The following DMD variants were observed in gnomAD, a reference collection of about 807,000 sequenced individuals.
The protein encoded by DMD is mutant dystrophin.
Under a neutral mutation model 330.1 loss-of-function variants are expected in DMD, and 63 were observed. That is an observed-to-expected ratio of 0.19 (90% CI 0.16 to 0.24). The LOEUF is 0.24. DMD is among the 10% of genes least tolerant of loss of function. The pLI, the probability that DMD is intolerant of heterozygous loss-of-function variation, is 1.00. For missense variants in DMD, 3,344 were observed against 2,684.1 expected (o/e 1.25, Z -5.43); for synonymous variants, 1,223 against 959.8 (o/e 1.27, Z -5.07).
At chrX:33,267,025 G>A (rs2053054490) in intron 1 of DMD, among the ~76,000 whole-genome samples, 1 of 110,769 alleles carries the variant, frequency 9.0e-6, no homozygotes, top group East Asian at 2.8e-4. Flanking sequence ...GAAATAAAAT[G>A]CATCCAAATA....
chrX:32,503,728 G>A (rs1308938055), intron 18 of DMD, among the ~76,000 whole-genome samples: 1 of 110,387 alleles, frequency 9.1e-6, no homozygotes. Context: ...GCTAATTTTT[G>A]TATTTTTAGT....
chrX:32,527,095 T>C (rs1312521094), intron 17 of DMD, among the ~76,000 whole-genome samples: 1 of 111,678 alleles, frequency 9.0e-6, no homozygotes, highest in East Asian at 2.8e-4. Context: ...TAAAAACTTA[T>C]AAGCCTCATC....
At chrX:32,201,886 G>T (rs1356542006) in intron 44 of DMD, among the ~76,000 whole-genome samples, 1 of 111,826 alleles carries the variant, frequency 8.9e-6, no homozygotes, top group Non-Finnish European at 1.9e-5. Flanking sequence ...ACAAATCCCT[G>T]AAAACTGCTG....
intron 48 of DMD, among the ~76,000 whole-genome samples, chrX:31,854,746 A>G: frequency 9.0e-6 from 1 of 111,644 alleles, no homozygotes; most frequent in South Asian, 3.8e-4. Flanking sequence ...AACGGAACAA[A>G]GTAGTTTCGA....
At chrX:31,488,099 T>C (rs1305882683) in intron 57 of DMD, among the ~76,000 whole-genome samples, 1 of 111,773 alleles carries the variant, frequency 8.9e-6, no homozygotes, top group Non-Finnish European at 1.9e-5. Context: ...AATAGTTTAC[T>C]GCGCACACAG....
intron 34 of DMD, among the ~76,000 whole-genome samples, chrX:32,367,750 T>TA (rs1311664015): frequency 1.8e-5 from 2 of 112,155 alleles, no homozygotes; most frequent in Non-Finnish European, 3.8e-5. Flanking sequence ...AAATGTGGAC[T>TA]AATTTCTAGT....
chrX:33,261,088 T>C (rs2052947539), intron 1 of DMD, among the ~76,000 whole-genome samples: 1 of 111,563 alleles, frequency 9.0e-6, no homozygotes, highest in South Asian at 3.7e-4. Flanking sequence ...AATTGTACTG[T>C]GTCATGATAG....
At chrX:31,463,477 T>C (rs935707285) in intron 59 of DMD, among the ~76,000 whole-genome samples, 4 of 111,872 alleles carry the variant, frequency 3.6e-5, no homozygotes, top group Non-Finnish European at 7.5e-5. Flanking sequence ...ATGCTAACTG[T>C]TAAATTTTGA....
In DMD at chrX:31,803,978, C is replaced by T. The variant is rs761397987; in HGVS notation, c.7309+15997G>A. Among the ~76,000 whole-genome samples, 123 of 111,017 alleles carry T rather than the reference C, an allele frequency of 1.1e-3. 2 individuals are homozygous for T. The highest frequency in any genetic ancestry group is 4.3e-4 in the Non-Finnish European group (23 of 52,998). On this transcript the variant is annotated intron_variant, in intron 50 of 78. Transcript: ENST00000357033. ...CCCCCCAAAGTGTTGGGATTACAGG[C>T]GTGAGCCACCGTGCCTGGCCTCTCC...
At chrX:31,314,106 A>T (rs934777714) in intron 62 of DMD, among the ~76,000 whole-genome samples, 15 of 112,104 alleles carry the variant, frequency 1.3e-4, no homozygotes, top group Non-Finnish European at 1.3e-4. Context: ...AAGTGCTGGG[A>T]TTACAGGCAT....
chrX:31,892,206 G>A (rs1445341813), intron 47 of DMD, among the ~76,000 whole-genome samples: 1 of 111,618 alleles, frequency 9.0e-6, no homozygotes, highest in African/African-American at 3.3e-5. Context: ...AAGAAGTTGT[G>A]CGTTTCCAAA....
intron 23 of DMD, among the ~76,000 whole-genome samples, chrX:32,465,582 G>GTTTTTTTTTTTTTTTTT (rs1191063866): frequency 2.6e-5 from 2 of 76,666 alleles, no homozygotes; most frequent in African/African-American, 5.0e-5. Context: ...TTTGTTTTTT[G>GTTTTTTTTTTTTTTTTT]TTTTTTTTTT....
Position 32,644,387 on chromosome X carries a change from T to G in DMD, c.1150-74A>C, listed in dbSNP as rs529522672. 1,134 of 1,084,656 alleles carry G rather than the reference T, an allele frequency of 1.0e-3. 12 individuals carry two copies. The South Asian group carries it at 0.019, about 18-fold the overall frequency. 89.4% of individuals were successfully genotyped at this position (1,084,656 alleles called of 1,213,427 possible). ...GGTGTGGTTTTGAGTTTTATTTGTT[T>G]GCAGTTTTAAACTTGTGGCCCATTT... is the stretch of plus-strand genomic sequence containing the variant. On this transcript the variant is annotated intron_variant, in intron 10 of 78. Transcript: ENST00000357033.
intron 7 of DMD, among the ~76,000 whole-genome samples, chrX:32,733,361 G>A (rs2067984528): frequency 9.1e-6 from 1 of 109,523 alleles, no homozygotes; most frequent in Non-Finnish European, 1.9e-5. Context: ...CAACGAGACA[G>A]AAAGCCAACA....
At chrX:32,831,355 TAAG>T (rs754112488) in intron 4 of DMD, among the ~76,000 whole-genome samples, 70 of 111,263 alleles carry the variant, frequency 6.3e-4, no homozygotes, top group African/African-American at 2.0e-3. Flanking sequence ...TAAGAATACT[TAAG>T]AAAAACTTAA....
intron 55 of DMD, among the ~76,000 whole-genome samples, chrX:31,593,185 T>G (rs1250393365): frequency 2.7e-5 from 3 of 111,172 alleles, no homozygotes; most frequent in African/African-American, 9.8e-5. Flanking sequence ...AAGTGGAAAT[T>G]TTTATTGCCT....
At chrX:31,270,598 A>G (rs1033589986) in intron 62 of DMD, among the ~76,000 whole-genome samples, 1 of 112,023 alleles carries the variant, frequency 8.9e-6, no homozygotes, top group African/African-American at 3.2e-5. Flanking sequence ...GATCTTTTGG[A>G]GAGAATGTCA....
At chrX:31,957,205 C>A (rs934709308) in intron 45 of DMD, among the ~76,000 whole-genome samples, 1 of 111,424 alleles carries the variant, frequency 9.0e-6, no homozygotes, top group East Asian at 2.8e-4. Flanking sequence ...CCATTTTGAG[C>A]TGGTTTTCTA....
At chrX:31,815,540 C>T (rs1349740839) in intron 50 of DMD, among the ~76,000 whole-genome samples, 5 of 111,568 alleles carry the variant, frequency 4.5e-5, no homozygotes, top group African/African-American at 9.8e-5. Flanking sequence ...CTATACTTTG[C>T]GAAGAACTGG....
Sources: gnomAD v4.1 joint callset for allele counts (sites outside exome capture counted in the v4.1 genomes callset) on GRCh38, gnomAD v4.1.1 for gene constraint, MANE v1.5 for transcripts, NCBI Gene and HGNC (gene_info 2026-07-23, HGNC 2026-07-21) for gene names.